The following MYRFL variants were observed in gnomAD, a reference collection of about 807,000 sequenced individuals.
MYRFL encodes the protein myelin regulatory factor-like protein.
In MYRFL, 88 loss-of-function variants were observed where a neutral mutation model predicts 109.4. The observed-to-expected ratio is 0.80, with a 90% CI of 0.68 to 0.96. The LOEUF (loss-of-function observed/expected upper bound fraction) is 0.96. Among genes scored for constraint, MYRFL ranks in the 40% least tolerant of loss-of-function variants. The pLI is 0.00. For synonymous variants in MYRFL, 324 were observed against 320.9 expected, an observed-to-expected ratio of 1.01 and a Z score of -0.10; for missense variants, 957 against 954.9, an observed-to-expected ratio of 1.00 and a Z score of -0.03.
At chr12:69,886,693 C>A in intron 5 of MYRFL, 127 bp from the exon 6 acceptor site, 1 of 1,153,310 alleles carries the variant, frequency 8.7e-7, no homozygotes, top group Non-Finnish European at 1.2e-6. Flanking sequence ...CCTCCTACCC[C>A]CAGCACATGA....
At chr12:69,897,582 ACT>A (rs1320523748) in intron 10 of MYRFL, among the ~76,000 whole-genome samples, 4 of 152,020 alleles carry the variant, frequency 2.6e-5, no homozygotes, top group African/African-American at 9.7e-5. Context: ...AGGTTGAGAG[ACT>A]CTGGTTTTTA....
rs1293033548 is a variant in MYRFL, at chr12:69,958,918, G to A, written c.*387G>A. 1.6e-5 allele frequency: 3 copies of A among 192,702 alleles called. No homozygotes were observed. The highest frequency in any genetic ancestry group is 1.0e-4 in the South Asian group (1 of 10,008). 11.9% of individuals were successfully genotyped at this position (192,702 alleles called of 1,614,324 possible). A position where few individuals can be genotyped will look rare whatever the true frequency, so the allele number is the denominator to read the frequency against. ...AAACCAAAAGGGCCATGTCGACTTC[G>A]GCCCACTAAACATAGACTCTTGAGA... On this transcript the variant is annotated 3_prime_UTR_variant, in exon 25 of 25. Transcript: ENST00000552032.
intron 5 of MYRFL, among the ~76,000 whole-genome samples, chr12:69,886,335 C>T (rs529503952): frequency 1.3e-5 from 2 of 152,032 alleles, no homozygotes; most frequent in African/African-American, 2.4e-5. Context: ...CAGCTGTTGG[C>T]GATGTATCTT....
chr12:69,844,555 A>G (rs918967088), intron 1 of MYRFL, among the ~76,000 whole-genome samples: 5 of 152,178 alleles, frequency 3.3e-5, no homozygotes, highest in Admixed American at 2.0e-4. Context: ...TCCTCCCTGC[A>G]GTTGGCTGGC....
chr12:69,857,482 G>A (rs1450570374), intron 2 of MYRFL, among the ~76,000 whole-genome samples: 1 of 151,798 alleles, frequency 6.6e-6, no homozygotes, highest in Non-Finnish European at 1.5e-5. Context: ...TATCTAAGGA[G>A]ACTTAACATT....
chr12:69,829,716 T>A (rs1439553520), intron 1 of MYRFL, among the ~76,000 whole-genome samples: 1 of 152,118 alleles, frequency 6.6e-6, no homozygotes, highest in Non-Finnish European at 1.5e-5. Flanking sequence ...AGAACAGAGA[T>A]GTTGATAGAA....
intron 19 of MYRFL, among the ~76,000 whole-genome samples, chr12:69,944,200 C>G (rs1212641703): frequency 2.8e-5 from 4 of 141,544 alleles, no homozygotes; most frequent in Non-Finnish European, 4.6e-5. Context: ...ACCCAAAGGA[C>G]TATAAATCAT....
chr12:69,864,748 G>A (rs1408993581), intron 2 of MYRFL, among the ~76,000 whole-genome samples: 1 of 151,978 alleles, frequency 6.6e-6, no homozygotes, highest in African/African-American at 2.4e-5. Context: ...TCTGTGCTAG[G>A]CGCTGCATGG....
At chr12:69,901,714 A>T (rs1592789376) in intron 10 of MYRFL, among the ~76,000 whole-genome samples, 1 of 152,198 alleles carries the variant, frequency 6.6e-6, no homozygotes, top group South Asian at 2.1e-4. Context: ...TTGCTATAAA[A>T]GGATTTGAGT....
At chr12:69,848,569 T>C (rs1477835132) in intron 1 of MYRFL, among the ~76,000 whole-genome samples, 1 of 152,172 alleles carries the variant, frequency 6.6e-6, no homozygotes, top group Admixed American at 6.5e-5. Flanking sequence ...TAGAAATCTA[T>C]TTTTTATACA....
At chr12:69,944,406 T>G (rs1199286049) in intron 19 of MYRFL, among the ~76,000 whole-genome samples, 1 of 140,968 alleles carries the variant, frequency 7.1e-6, no homozygotes, top group African/African-American at 2.7e-5. Context: ...AAATTGGAAA[T>G]CATCATTCTC....
In MYRFL at chr12:69,879,389, T is replaced by G. The variant is rs757245622; in HGVS notation, c.400T>G (p.Ser134Ala). 1.8e-5 allele frequency: 13 copies of G among 702,776 alleles called. No individual in the cohort carries two copies. The highest frequency in any genetic ancestry group is 3.4e-5 in the Non-Finnish European group (13 of 384,842). 43.5% of individuals were successfully genotyped at this position (702,776 alleles called of 1,614,324 possible). A position where few individuals can be genotyped will look rare whatever the true frequency, so the allele number is the denominator to read the frequency against. Residue 134 changes from serine to alanine, a missense_variant, in exon 4 of 25, where the codon TCC becomes GCC. Ser to Ala is a moderately conservative substitution (Grantham distance 99). Coordinates refer to ENST00000552032, the MANE Select transcript of MYRFL (RefSeq NM_182530.3). ...ASHLATPLDQ[S>A]VSSHLGIGCS... ...TCATCTTGCCACCCCCCTGGACCAA[T>G]CCGTGTCCTCCCATCTGGGGATAGG...
chr12:69,919,952 A>G (rs992255632), intron 13 of MYRFL, among the ~76,000 whole-genome samples: 1 of 152,312 alleles, frequency 6.6e-6, no homozygotes, highest in Middle Eastern at 3.4e-3. Context: ...GCTCAGTGTC[A>G]CTAAATAAAG....
At chr12:69,939,394 G>A (rs1159070971) in intron 19 of MYRFL, among the ~76,000 whole-genome samples, 5 of 152,056 alleles carry the variant, frequency 3.3e-5, no homozygotes, top group Admixed American at 6.5e-5. Context: ...CCTGACCCCC[G>A]AGCAGCCTAA....
intron 11 of MYRFL, among the ~76,000 whole-genome samples, chr12:69,904,974 G>T (rs978390947): frequency 1.3e-5 from 2 of 152,194 alleles, no homozygotes; most frequent in Admixed American, 1.3e-4. Context: ...CCAAAGAATG[G>T]TTGTAATTGT....
intron 13 of MYRFL, among the ~76,000 whole-genome samples, chr12:69,918,598 C>G (rs1954817994): frequency 6.6e-6 from 1 of 152,164 alleles, no homozygotes. Context: ...TTGAGGCTTA[C>G]TGTTTCTCTG....
intron 2 of MYRFL, among the ~76,000 whole-genome samples, chr12:69,869,261 A>G (rs2136328112): frequency 6.6e-6 from 1 of 152,312 alleles, no homozygotes; most frequent in East Asian, 1.9e-4. Context: ...GCATGGTGAT[A>G]ATAAAAAGCA....
Position 69,940,695 on chromosome 12 carries a change from A to C in MYRFL, c.2224+4063A>C, listed in dbSNP as rs532035382. On this transcript the variant is annotated intron_variant, in intron 19 of 24. Coordinates refer to ENST00000552032, the MANE Select transcript of MYRFL (RefSeq NM_182530.3). ...TTCATACATAACACTATTAACTTTA[A>C]ATGTAAATGGACTAAATGCTCCAAT... Among the ~76,000 whole-genome samples, 432 of 151,018 alleles carry C rather than the reference A, an allele frequency of 2.9e-3. 3 individuals are homozygous for C. The highest frequency in any genetic ancestry group is 9.6e-3 in the African/African-American group (395 of 41,288).
At chr12:69,852,433 G>A (rs552991019) in intron 1 of MYRFL, among the ~76,000 whole-genome samples, 2 of 151,256 alleles carry the variant, frequency 1.3e-5, no homozygotes, top group Admixed American at 1.3e-4. Context: ...TGATTGAATG[G>A]TTCTTATTTC....
Sources: gnomAD v4.1 joint callset for allele counts (sites outside exome capture counted in the v4.1 genomes callset) on GRCh38, gnomAD v4.1.1 for gene constraint, MANE v1.5 for transcripts, NCBI Gene and HGNC (gene_info 2026-07-23, HGNC 2026-07-21) for gene names.